CCNH: variants seen among roughly 807,000 people sequenced by gnomAD.
CCNH encodes cyclin-H.
Under a neutral mutation model 41.9 loss-of-function variants are expected in CCNH, and 31 were observed. The observed-to-expected ratio is 0.74, with a 90% confidence interval of 0.56 to 1.00. CCNH has a LOEUF of 1.00. Ranked by LOEUF, CCNH falls within the 50% of genes least tolerant of loss-of-function variation. The pLI, the probability that CCNH is intolerant of heterozygous loss-of-function variation, is 0.00. For missense variants in CCNH, 362 were observed against 388.4 expected, an observed-to-expected ratio of 0.93 and a Z score of 0.57; for synonymous variants, 138 against 136.1, an observed-to-expected ratio of 1.01 and a Z score of -0.10.
At chr5:87,345,796 C>G (rs1758819161) in intron 9 of CCNH, among the ~76,000 whole-genome samples, 2 of 152,046 alleles carry the variant, frequency 1.3e-5, no homozygotes, top group African/African-American at 4.8e-5. Flanking sequence ...CTAGCTTGCT[C>G]TTTATTATTA....
chr5:87,346,308 T>C (rs552175996), intron 9 of CCNH, among the ~76,000 whole-genome samples: 1 of 152,050 alleles, frequency 6.6e-6, no homozygotes, highest in South Asian at 2.1e-4. Context: ...AATTCATTAA[T>C]TTTTTCAGGG....
At chr5:87,320,179 C>T (rs540129001) in intron 9 of CCNH, among the ~76,000 whole-genome samples, 1 of 152,306 alleles carries the variant, frequency 6.6e-6, no homozygotes, top group Admixed American at 6.5e-5. Flanking sequence ...ATATCACTGT[C>T]AGCATTTTGG....
chr5:87,377,753 C>G (rs796272346), upstream of CCNH, among the ~76,000 whole-genome samples: 2 of 152,250 alleles, frequency 1.3e-5, no homozygotes, highest in Admixed American at 1.3e-4. Flanking sequence ...CCACCCTCCC[C>G]CTGGCCCACA....
chr5:87,398,506 G>C (rs1763137165), intron 7 of CCNH, among the ~76,000 whole-genome samples: 1 of 152,156 alleles, frequency 6.6e-6, no homozygotes, highest in African/African-American at 2.4e-5. Flanking sequence ...CCTAGTACCT[G>C]TCCAAATTCC....
intron 9 of CCNH, among the ~76,000 whole-genome samples, chr5:87,331,917 A>G (rs1757628347): frequency 6.6e-6 from 1 of 152,156 alleles, no homozygotes; most frequent in Non-Finnish European, 1.5e-5. Context: ...CTTCAGTGAA[A>G]CAGACATATA....
chr5:87,378,665 C>G, upstream of CCNH: 1 of 971,588 alleles, frequency 1.0e-6, no homozygotes, highest in East Asian at 2.7e-5. Context: ...AGCAGTTACA[C>G]CTGTCTGTAA....
At chr5:87,372,739 T>C (rs957596558), downstream of CCNH, among the ~76,000 whole-genome samples, 3 of 152,192 alleles carry the variant, frequency 2.0e-5, no homozygotes, top group Non-Finnish European at 4.4e-5. Flanking sequence ...CTTGGCTTTT[T>C]TCTTTTTAGT....
intron 5 of CCNH, 142 bp from the exon 6 acceptor site, chr5:87,401,914 T>C: frequency 1.9e-6 from 1 of 519,020 alleles, no homozygotes; most frequent in East Asian, 3.1e-5. Flanking sequence ...GTAACTCCTA[T>C]ATTTTAAGGA....
chr5:87,346,444 G>A (rs1397468426), intron 9 of CCNH, among the ~76,000 whole-genome samples: 2 of 151,964 alleles, frequency 1.3e-5, no homozygotes, highest in East Asian at 3.9e-4. Flanking sequence ...TATTGGTAAT[G>A]AAAATTGTAG....
downstream of CCNH, chr5:87,374,260 T>C (rs780784579): frequency 1.2e-6 from 2 of 1,603,646 alleles, no homozygotes; most frequent in Non-Finnish European, 1.7e-6. Flanking sequence ...AGTGTCCAAG[T>C]AGCAAAAACT....
At chr5:87,376,830 C>A in exon 1 of CCNH, 1 of 1,512,836 alleles carries the variant, frequency 6.6e-7, no homozygotes, top group Non-Finnish European at 9.2e-7. Context: ...TCTCATGGAG[C>A]ATGCTTATAA....
chr5:87,338,206 T>C, intron 9 of CCNH: 10 of 1,506,748 alleles, frequency 6.6e-6, no homozygotes, highest in Non-Finnish European at 9.0e-6. Flanking sequence ...AAGAACTTAA[T>C]TGATAAGTAC....
At chr5:87,359,669 T>C (rs1173613393) in intron 9 of CCNH, among the ~76,000 whole-genome samples, 1 of 152,190 alleles carries the variant, frequency 6.6e-6, no homozygotes, top group African/African-American at 2.4e-5. Context: ...CAAATCTGTA[T>C]TACCAGGAAA....
chr5:87,394,184 T>G, downstream of CCNH: 1 of 1,004,492 alleles, frequency 1.0e-6, no homozygotes, highest in Non-Finnish European at 1.2e-6. Flanking sequence ...CTATCATATT[T>G]TGCTTAAAAA....
At chr5:87,331,029 G>A in intron 9 of CCNH, 1 of 1,314,182 alleles carries the variant, frequency 7.6e-7, no homozygotes, top group South Asian at 1.6e-5. Flanking sequence ...ATTTTTCTAA[G>A]TAAAGATCTG....
chr5:87,384,201 T>C (rs1191201108), intron 9 of CCNH, among the ~76,000 whole-genome samples: 4 of 152,168 alleles, frequency 2.6e-5, no homozygotes, highest in African/African-American at 9.7e-5. Context: ...TGAGTACTTA[T>C]GAAGAAAGCA....
intron 9 of CCNH, among the ~76,000 whole-genome samples, chr5:87,319,939 A>G (rs1266821324): frequency 6.6e-6 from 1 of 152,202 alleles, no homozygotes; most frequent in Non-Finnish European, 1.5e-5. Context: ...ACATATGAGC[A>G]TATACTTTTA....
At chr5:87,380,996 A>G (rs1387676790), upstream of CCNH, among the ~76,000 whole-genome samples, 1 of 152,220 alleles carries the variant, frequency 6.6e-6, no homozygotes, top group Non-Finnish European at 1.5e-5. Context: ...CTCTGAGCTA[A>G]TCAGAACCAG....
downstream of CCNH, chr5:87,389,574 A>G: frequency 6.2e-6 from 10 of 1,603,094 alleles, no homozygotes; most frequent in Non-Finnish European, 7.7e-6. Flanking sequence ...CAAAGATAAC[A>G]CTTAGAGAGT....
Sources: gnomAD v4.1 joint callset for allele counts (sites outside exome capture counted in the v4.1 genomes callset) on GRCh38, gnomAD v4.1.1 for gene constraint, MANE v1.5 for transcripts, NCBI Gene and HGNC (gene_info 2026-07-23, HGNC 2026-07-21) for gene names.